SORCS2: variants seen among roughly 807,000 people sequenced by gnomAD.
SORCS2 encodes VPS10 domain-containing receptor SorCS2.
A neutral mutation model predicts 141.6 loss-of-function variants in SORCS2; 100 were observed. That is an observed-to-expected ratio of 0.71 (90% confidence interval 0.60 to 0.83). The LOEUF is 0.83. Ranked by LOEUF, SORCS2 falls within the 40% of genes least tolerant of loss-of-function variation. The probability of loss-of-function intolerance (pLI) is 0.00; values close to 1 mark genes in which losing one functional copy is unlikely to be tolerated. For missense variants in SORCS2, 1,646 were observed against 1,560.2 expected (o/e 1.05, Z -0.93); for synonymous variants, 789 against 676.9 (o/e 1.17, Z -2.57).
chr4:7,499,658 C>T (rs1277838041), intron 2 of SORCS2, among the ~76,000 whole-genome samples: 2 of 151,096 alleles, frequency 1.3e-5, no homozygotes, highest in Non-Finnish European at 2.9e-5. Context: ...CACTGGCCAT[C>T]CCCCCTCATT....
chr4:7,324,545 G>A (rs975518324), intron 1 of SORCS2, among the ~76,000 whole-genome samples: 13 of 152,190 alleles, frequency 8.5e-5, no homozygotes, highest in African/African-American at 2.2e-4. Flanking sequence ...CACCCCTGCC[G>A]TGCTCACTCT....
intron 3 of SORCS2, among the ~76,000 whole-genome samples, chr4:7,631,380 C>T (rs1719884778): frequency 1.3e-5 from 2 of 151,848 alleles, no homozygotes; most frequent in African/African-American, 4.8e-5. Context: ...TTCAGGCAGA[C>T]CTCCTGGCCA....
chr4:7,378,085 A>G (rs141107665), intron 1 of SORCS2, among the ~76,000 whole-genome samples: 1,906 of 152,334 alleles, frequency 0.013, 18 homozygotes, highest in South Asian at 0.026. Context: ...AACTACATGG[A>G]GAAGCTAAAG....
intron 3 of SORCS2, among the ~76,000 whole-genome samples, chr4:7,556,322 C>A (rs994349992): frequency 6.6e-6 from 1 of 152,004 alleles, no homozygotes; most frequent in African/African-American, 2.4e-5. Flanking sequence ...AAAGGTGCCT[C>A]GAGGCATCTG....
chr4:7,629,009 G>A (rs551860979), intron 3 of SORCS2, among the ~76,000 whole-genome samples: 2 of 152,136 alleles, frequency 1.3e-5, no homozygotes, highest in African/African-American at 2.4e-5. Flanking sequence ...CCTCTGAGAC[G>A]GTGGCCTCGG....
intron 14 of SORCS2, among the ~76,000 whole-genome samples, chr4:7,705,829 A>T (rs984523388): frequency 1.3e-5 from 2 of 152,228 alleles, no homozygotes; most frequent in Non-Finnish European, 2.9e-5. Context: ...GCCGCCCAAG[A>T]GTGCCTGACC....
chr4:7,573,300 A>G (rs1715517141), intron 3 of SORCS2, among the ~76,000 whole-genome samples: 1 of 152,194 alleles, frequency 6.6e-6, no homozygotes. Context: ...GTCTTCATAA[A>G]ATTAGCCACT....
intron 3 of SORCS2, among the ~76,000 whole-genome samples, chr4:7,604,592 C>T (rs1467401463): frequency 6.6e-6 from 1 of 152,228 alleles, no homozygotes; most frequent in Non-Finnish European, 1.5e-5. Context: ...AGCCGCCGCG[C>T]CCGGCCTATG....
chr4:7,672,368 A>C (rs1050827208), intron 8 of SORCS2, among the ~76,000 whole-genome samples: 7 of 152,260 alleles, frequency 4.6e-5, no homozygotes, highest in Non-Finnish European at 8.8e-5. Flanking sequence ...TTCAGAAGGC[A>C]GCGAGCTGAT....
At chr4:7,632,592 C>T (rs750740328) in intron 3 of SORCS2, among the ~76,000 whole-genome samples, 2 of 152,184 alleles carry the variant, frequency 1.3e-5, no homozygotes, top group African/African-American at 4.8e-5. Flanking sequence ...TTTCTCCTCT[C>T]GCCTCCGTGT....
At chr4:7,296,738 C>T (rs1053652014) in intron 1 of SORCS2, among the ~76,000 whole-genome samples, 22 of 152,206 alleles carry the variant, frequency 1.4e-4, no homozygotes, top group East Asian at 3.9e-4. Flanking sequence ...GGGCCAGCAC[C>T]GGGCCTGTTC....
intron 3 of SORCS2, among the ~76,000 whole-genome samples, chr4:7,629,325 C>T (rs369749469): frequency 5.3e-5 from 8 of 152,208 alleles, no homozygotes; most frequent in African/African-American, 9.6e-5. Context: ...AGGGGCTCTC[C>T]GGAGCCAGAA....
intron 2 of SORCS2, chr4:7,434,314 C>A: frequency 4.3e-6 from 7 of 1,611,524 alleles, no homozygotes; most frequent in Non-Finnish European, 5.1e-6. Context: ...GGAGACCTGC[C>A]GTACACAGTC....
intron 3 of SORCS2, among the ~76,000 whole-genome samples, chr4:7,619,408 T>C (rs10015927): frequency 0.93 from 141,600 of 152,180 alleles, 65,989 homozygotes; most frequent in Non-Finnish European, 0.95. Context: ...GGAGCGTGGC[T>C]TCCCCAGACA....
intron 2 of SORCS2, among the ~76,000 whole-genome samples, chr4:7,464,741 G>T (rs559717292): frequency 6.6e-6 from 1 of 152,334 alleles, no homozygotes; most frequent in Admixed American, 6.5e-5. Flanking sequence ...AGCTCACCTT[G>T]AATTTCCTCC....
At position 7,531,547 on chromosome 4, in the gene SORCS2, C is replaced by A. The variant is rs746929244; in HGVS notation, c.566C>A (p.Thr189Lys). 2.5e-6 allele frequency: 4 copies of A among 1,613,838 alleles called. No individual in the cohort carries two copies. Among genetic ancestry groups the A allele is most frequent in the Admixed American group, 3.3e-5 (2 of 60,018 alleles). The change falls in exon 3 of 27, where the codon ACG (threonine) becomes AAG (lysine). Residue 189 changes from threonine to lysine, a missense_variant. Transcript: ENST00000507866. ...SSLWRSSDFG[T>K]SYTKLTLQPG... is the part of the protein sequence containing the mutation. ...TCCCCCAGGTCATCAGATTTCGGGACGTCCTACACCAAGCTCACCCTCCAG... is the reference window on the plus strand; with the variant it reads ...TCCCCCAGGTCATCAGATTTCGGGAAGTCCTACACCAAGCTCACCCTCCAG...
chr4:7,371,507 A>T (rs6855995), intron 1 of SORCS2, among the ~76,000 whole-genome samples: 104,133 of 152,128 alleles, frequency 0.68, 35,871 homozygotes, highest in East Asian at 0.93. Context: ...CATTCTTCAT[A>T]TATTATCTGA....
At chr4:7,428,320 G>A (rs1726594714) in intron 2 of SORCS2, among the ~76,000 whole-genome samples, 1 of 152,218 alleles carries the variant, frequency 6.6e-6, no homozygotes, top group African/African-American at 2.4e-5. Context: ...GGCTGAAAGT[G>A]GTCCCAGAAG....
At chr4:7,493,502 G>T (rs574097277) in intron 2 of SORCS2, among the ~76,000 whole-genome samples, 2 of 152,174 alleles carry the variant, frequency 1.3e-5, no homozygotes, top group South Asian at 2.1e-4. Flanking sequence ...CATCTGAGTC[G>T]CAGTGTTGGA....
Sources: allele counts gnomAD v4.1 joint callset (sites outside exome capture counted in the v4.1 genomes callset), GRCh38; gene constraint gnomAD v4.1.1; transcripts MANE v1.5; gene names NCBI Gene and HGNC (gene_info 2026-07-23, HGNC 2026-07-21).